Variants in HEMK2 observed in about 807,000 individuals in gnomAD.
The protein encoded by HEMK2 is HemK methyltransferase 2, ETF1 glutamine and histone H4 lysine.
the HEMK2 span, among the ~76,000 whole-genome samples, chr21:28,864,913 T>TATAGACAGATAGATAGATAGATAG: frequency 4.2e-5 from 6 of 144,088 alleles, no homozygotes; most frequent in Non-Finnish European, 9.0e-5. Flanking sequence ...AGATAGATGA[T>TATAGACAGATAGATAGATAGATAG]ATAGATAGAT....
chr21:28,583,657 T>C, the HEMK2 span, among the ~76,000 whole-genome samples: 1 of 152,228 alleles, frequency 6.6e-6, no homozygotes, highest in Non-Finnish European at 1.5e-5. Flanking sequence ...AACATGTCTA[T>C]CTTTGTACCA....
the HEMK2 span, among the ~76,000 whole-genome samples, chr21:28,669,161 C>T: frequency 9.2e-5 from 14 of 152,146 alleles, 1 homozygote; most frequent in Non-Finnish European, 2.9e-5. Context: ...GAGTTTGAGA[C>T]CATCCTGGTC....
the HEMK2 span, chr21:28,674,858 A>C: frequency 6.6e-6 from 1 of 152,228 alleles, no homozygotes; most frequent in Admixed American, 6.5e-5. Context: ...CAAAAAGGCA[A>C]GGCAGCTCGC....
chr21:28,882,049 T>A, the HEMK2 span: 5 of 680,622 alleles, frequency 7.3e-6, no homozygotes, highest in African/African-American at 1.9e-5. Context: ...ACTTTGTACA[T>A]GGTATACTGC....
chr21:28,715,886 A>T, the HEMK2 span, among the ~76,000 whole-genome samples: 1 of 152,156 alleles, frequency 6.6e-6, no homozygotes, highest in Non-Finnish European at 1.5e-5. Context: ...AGCACCATTG[A>T]TTGAATAGAC....
the HEMK2 span, among the ~76,000 whole-genome samples, chr21:28,621,825 T>C: frequency 6.6e-6 from 1 of 152,230 alleles, no homozygotes; most frequent in African/African-American, 2.4e-5. Context: ...GGATCTTCAG[T>C]TGCTTCAGGC....
At chr21:28,724,292 C>T in the HEMK2 span, among the ~76,000 whole-genome samples, 1 of 152,076 alleles carries the variant, frequency 6.6e-6, no homozygotes. Context: ...GTTTTAAACA[C>T]TTCTCTAAAA....
chr21:28,610,622 A>G, the HEMK2 span, among the ~76,000 whole-genome samples: 168 of 152,320 alleles, frequency 1.1e-3, no homozygotes, highest in Non-Finnish European at 2.0e-3. Context: ...AGAATGGATA[A>G]GGATTCACCA....
chr21:28,795,324 T>C, the HEMK2 span, among the ~76,000 whole-genome samples: 2 of 152,120 alleles, frequency 1.3e-5, no homozygotes, highest in East Asian at 1.9e-4. Flanking sequence ...ACAGAGCCAA[T>C]AACTAAGGTG....
the HEMK2 span, among the ~76,000 whole-genome samples, chr21:28,863,440 A>T: frequency 6.4e-4 from 54 of 84,284 alleles, 7 homozygotes; most frequent in Middle Eastern, 9.1e-3. Flanking sequence ...ATATATATAT[A>T]TATATATATA....
the HEMK2 span, chr21:28,872,271 C>T: frequency 6.6e-6 from 1 of 152,192 alleles, no homozygotes; most frequent in Non-Finnish European, 1.5e-5. Context: ...TTACACCTCA[C>T]AAATTGAATG....
At chr21:28,740,971 C>T in the HEMK2 span, among the ~76,000 whole-genome samples, 1 of 152,244 alleles carries the variant, frequency 6.6e-6, no homozygotes, top group African/African-American at 2.4e-5. Flanking sequence ...TGTATATATG[C>T]TTTACCTCTA....
chr21:28,799,600 A>AT, the HEMK2 span, among the ~76,000 whole-genome samples: 16 of 152,310 alleles, frequency 1.1e-4, no homozygotes, highest in Admixed American at 2.0e-4. Flanking sequence ...ACAGTTTTCA[A>AT]ATGACTGTGA....
chr21:28,659,677 C>T, the HEMK2 span, among the ~76,000 whole-genome samples: 2 of 152,008 alleles, frequency 1.3e-5, no homozygotes, highest in Admixed American at 1.3e-4. Context: ...GGTAATGAGA[C>T]ATCTCATGCT....
At chr21:28,717,908 T>A in the HEMK2 span, among the ~76,000 whole-genome samples, 52 of 152,290 alleles carry the variant, frequency 3.4e-4, no homozygotes, top group Middle Eastern at 0.01. Flanking sequence ...TTTGTATGGA[T>A]TTTGGATCTC....
the HEMK2 span, among the ~76,000 whole-genome samples, chr21:28,697,778 CAAAA>C: frequency 1.3e-5 from 1 of 79,550 alleles, no homozygotes; most frequent in Admixed American, 1.6e-4. Flanking sequence ...ATCATGAGCC[CAAAA>C]AAAAAAAAAA....
the HEMK2 span, among the ~76,000 whole-genome samples, chr21:28,614,416 A>C: frequency 9.3e-6 from 1 of 107,018 alleles, no homozygotes; most frequent in South Asian, 3.4e-4. Context: ...TTCATACATT[A>C]AAAAAAAAAC....
At chr21:28,641,571 T>A in the HEMK2 span, among the ~76,000 whole-genome samples, 27,505 of 152,106 alleles carry the variant, frequency 0.18, 2,715 homozygotes, top group East Asian at 0.39. Context: ...GGTCAAAGGA[T>A]TTACCCCAAT....
At chr21:28,663,640 G>A in the HEMK2 span, among the ~76,000 whole-genome samples, 3 of 152,210 alleles carry the variant, frequency 2.0e-5, no homozygotes, top group African/African-American at 7.2e-5. Flanking sequence ...GGTTACTTGG[G>A]ATGGGTTTCT....
Sources: allele counts gnomAD v4.1 joint callset (sites outside exome capture counted in the v4.1 genomes callset), GRCh38; gene constraint gnomAD v4.1.1; transcripts MANE v1.5; gene names NCBI Gene and HGNC (gene_info 2026-07-23, HGNC 2026-07-21).